The following MAPKBP1 variants were observed in gnomAD, a reference collection of about 807,000 sequenced individuals.
MAPKBP1 encodes mitogen-activated protein kinase binding protein 1.
A neutral mutation model predicts 170.5 loss-of-function variants in MAPKBP1; 71 were observed. The ratio of observed to expected loss-of-function variants is 0.42; its 90% CI spans 0.34 to 0.51. The LOEUF (loss-of-function observed/expected upper bound fraction) is 0.51, where lower values mean the gene tolerates loss of function less well. MAPKBP1 is among the 20% of genes least tolerant of loss of function. The pLI is 0.06. For synonymous variants in MAPKBP1, 719 were observed against 757.9 expected, an observed-to-expected ratio of 0.95 and a Z score of 0.84; for missense variants, 1,598 against 1,933.0, an observed-to-expected ratio of 0.83 and a Z score of 3.25.
intron 3 of MAPKBP1, among the ~76,000 whole-genome samples, chr15:41,809,608 G>A (rs181623483): frequency 6.6e-6 from 1 of 152,344 alleles, no homozygotes; most frequent in African/African-American, 2.4e-5. Context: ...CTCCAGGCTT[G>A]CTCTTGTCTG....
At chr15:41,797,206 G>C (rs943982406) in intron 2 of MAPKBP1, among the ~76,000 whole-genome samples, 1 of 152,172 alleles carries the variant, frequency 6.6e-6, no homozygotes, top group African/African-American at 2.4e-5. Flanking sequence ...AAGATCAGCT[G>C]AGAACCAACT....
Position 41,803,846 on chromosome 15 carries a change from CTGTT to C in MAPKBP1, c.206+3934_206+3937del, listed in dbSNP as rs1332200388. 7.2e-5 allele frequency among the ~76,000 whole-genome samples: 11 copies of C among 152,014 alleles called. No individual in the cohort carries two copies. In the East Asian group the frequency reaches 1.9e-3, roughly 27 times the overall value. ...TGGCACAGAGTAGGGGGAGACCACA[CTGTT>C]TTTTTTTGAGACAGAGTTTCATTCT... On this transcript the variant is annotated intron_variant, in intron 3 of 30. Coordinates refer to ENST00000457542, the MANE Select transcript of MAPKBP1 (RefSeq NM_014994.3).
At chr15:41,785,380 T>TA (rs2064266340) in intron 2 of MAPKBP1, among the ~76,000 whole-genome samples, 2 of 152,184 alleles carry the variant, frequency 1.3e-5, no homozygotes, top group Non-Finnish European at 2.9e-5. Context: ...TTGTGTGTAA[T>TA]GTATTTCAGG....
chr15:41,786,777 A>AAAAAAAAAAAAATATATATATATATAT, intron 2 of MAPKBP1, among the ~76,000 whole-genome samples: 2 of 32,448 alleles, frequency 6.2e-5, no homozygotes, highest in African/African-American at 1.3e-4. Context: ...AAAAAAAAAA[A>AAAAAAAAAAAAATATATATATATATAT]ATATATATAT....
chr15:41,796,751 G>A (rs1192537583), intron 2 of MAPKBP1, among the ~76,000 whole-genome samples: 13 of 152,136 alleles, frequency 8.5e-5, no homozygotes, highest in African/African-American at 2.4e-5. Flanking sequence ...AGAGTCCTAG[G>A]AGGAAAATGA....
intron 2 of MAPKBP1, among the ~76,000 whole-genome samples, chr15:41,795,501 T>A (rs1405994332): frequency 2.0e-5 from 3 of 151,934 alleles, no homozygotes; most frequent in Non-Finnish European, 4.4e-5. Flanking sequence ...TAAGCCGGGG[T>A]AGAGTATTTG....
Position 41,817,897 on chromosome 15 carries a change from TG to T in MAPKBP1, c.1905-107del. On this transcript the variant is annotated intron_variant, in intron 16 of 30. Transcript: ENST00000457542. The surrounding 1 kb of genome is among the most constrained non-coding windows in gnomAD (Gnocchi z 4.2). Reference sequence around the variant, plus strand: ...CAAGAGGTGGTAGCCTGTTTGCTGCTGGGGGTAGCTCCCAGAGAGTGTAGAC... The same window carrying T: ...CAAGAGGTGGTAGCCTGTTTGCTGCTGGGGTAGCTCCCAGAGAGTGTAGAC... The T allele has an allele frequency of 6.6e-7, 1 of 1,519,152 alleles. No homozygotes were observed. The highest frequency in any genetic ancestry group is 9.1e-7 in the Non-Finnish European group (1 of 1,099,706). The allele number at this position is 1,519,152 out of a possible 1,614,324, so 94.1% of individuals were successfully genotyped here.
At chr15:41,786,743 C>T (rs1229511575) in intron 2 of MAPKBP1, among the ~76,000 whole-genome samples, 5 of 72,792 alleles carry the variant, frequency 6.9e-5, no homozygotes, top group Non-Finnish European at 1.3e-4. Flanking sequence ...CCAGCATGGG[C>T]GACAGAGCCA....
rs552977479 is a variant in MAPKBP1 at position 41,827,796 on chromosome 15, T to C, written c.*2360T>C. The C allele has an allele frequency of 3.0e-5, 8 of 263,590 alleles. No homozygotes were observed. In the East Asian group the frequency reaches 5.4e-4, roughly 18 times the overall value. The allele number at this position is 263,590 out of a possible 1,614,324, so 16.3% of individuals were successfully genotyped here. ...CGGCTGCATGGGGCGGGGGCGCTGT[T>C]TTTAACGTGCCCGTTTGTACTGATG... On this transcript the variant is annotated 3_prime_UTR_variant, in exon 31 of 31. Coordinates refer to ENST00000457542, the MANE Select transcript of MAPKBP1 (RefSeq NM_014994.3).
chr15:41,787,485 C>T (rs984302446), intron 2 of MAPKBP1, among the ~76,000 whole-genome samples: 2 of 151,644 alleles, frequency 1.3e-5, no homozygotes, highest in East Asian at 1.9e-4. Context: ...CTCCTGCCTC[C>T]GCCTCCCGAG....
Position 41,820,468 on chromosome 15 carries a change from A to T in MAPKBP1, c.2482-364A>T, listed in dbSNP as rs535753476. 2.0e-5 allele frequency among the ~76,000 whole-genome samples: 3 copies of T among 152,268 alleles called. No homozygotes were observed. The South Asian group carries it at 6.2e-4, about 32-fold the overall frequency. The stretch of plus-strand genomic sequence containing the variant: ...AGTGGTTGCTGCTGGGGCTGTCCTC[A>T]GAGTAGGAGACTTTTAGAGACCCCC... On this transcript the variant is annotated intron_variant, in intron 22 of 30. Coordinates refer to ENST00000457542, the MANE Select transcript of MAPKBP1 (RefSeq NM_014994.3).
rs200746378 is a variant in MAPKBP1, at chr15:41,815,412, C to A, written c.1317+7C>A. ...CCGAAACATCCTCAGCAGTGTGAGC[C>A]CTGAGGCTGTGGGGCCCCGCTTCAC... is the stretch of plus-strand genomic sequence containing the variant. On this transcript the variant is annotated splice_region_variant and intron_variant, in intron 11 of 30. Transcript: ENST00000457542. 3 of 1,613,846 alleles carry A rather than the reference C, an allele frequency of 1.9e-6. No homozygotes were observed. Among genetic ancestry groups the A allele is most frequent in the Non-Finnish European group, 2.5e-6 (3 of 1,179,812 alleles).
Position 41,817,917 on chromosome 15 carries a change from T to G in MAPKBP1, c.1905-92T>G. Reference sequence around the variant, plus strand: ...GCTGCTGGGGGTAGCTCCCAGAGAGTGTAGACTGGGAGTGAAAGCTGGCAT... The same window carrying G: ...GCTGCTGGGGGTAGCTCCCAGAGAGGGTAGACTGGGAGTGAAAGCTGGCAT... On this transcript the variant is annotated intron_variant, in intron 16 of 30. Transcript: ENST00000457542. This position sits in a 1 kb window ranked among gnomAD's most constrained non-coding sequence, Gnocchi z 4.2. 6.6e-7 allele frequency: 1 copy of G among 1,510,382 alleles called. No homozygotes were observed. Among genetic ancestry groups the G allele is most frequent in the East Asian group, 2.3e-5 (1 of 44,398 alleles). The allele number at this position is 1,510,382 out of a possible 1,614,324, so 93.6% of individuals were successfully genotyped here. A position where few individuals can be genotyped will look rare whatever the true frequency, so the allele number is the denominator to read the frequency against.
At chr15:41,787,437 G>C (rs965346874) in intron 2 of MAPKBP1, among the ~76,000 whole-genome samples, 95 of 151,346 alleles carry the variant, frequency 6.3e-4, no homozygotes, top group African/African-American at 2.2e-3. Flanking sequence ...GTGTGATCGC[G>C]GCTCATTGCA....
rs1310639018 is a variant in MAPKBP1 at position 41,786,736 on chromosome 15, G to A, written c.114+11347G>A. On this transcript the variant is annotated intron_variant, in intron 2 of 30. Coordinates refer to ENST00000457542, the MANE Select transcript of MAPKBP1 (RefSeq NM_014994.3). ...GCCAAGATTGCGCCACTGCACTCCA[G>A]CATGGGCGACAGAGCCAGACTCCGT... 3.5e-5 allele frequency among the ~76,000 whole-genome samples: 4 copies of A among 113,208 alleles called. No homozygotes were observed. The East Asian group carries it at 8.9e-4, about 25-fold the overall frequency. The allele number at this position is 113,208 out of a possible 152,430, so 74.3% of individuals were successfully genotyped here.
chr15:41,798,806 C>G (rs185149993), intron 2 of MAPKBP1, among the ~76,000 whole-genome samples: 1 of 152,314 alleles, frequency 6.6e-6, no homozygotes, highest in East Asian at 1.9e-4. Context: ...AGAGTGCTGT[C>G]TAGCCTGTTC....
At chr15:41,811,759 G>C in intron 5 of MAPKBP1, 198 bp from the exon 6 acceptor site, 1 of 707,286 alleles carries the variant, frequency 1.4e-6, no homozygotes, top group East Asian at 2.7e-5. Context: ...ACTAAAATCC[G>C]GGGCCACTTT....
chr15:41,800,756 C>T (rs901332943), intron 3 of MAPKBP1, among the ~76,000 whole-genome samples: 1 of 151,744 alleles, frequency 6.6e-6, no homozygotes, highest in Non-Finnish European at 1.5e-5. Context: ...TCAGGTAACA[C>T]TGTATTTGGC....
At position 41,825,554 on chromosome 15, in the gene MAPKBP1, A is replaced by ATAC; in HGVS notation, c.*118_*119insTAC. ...GTGGAAAGCAGGGAGCAGTGTTCAG[A>ATAC]GGCAAAGCAGCCTTCCCAGCCGCTC... On this transcript the variant is annotated 3_prime_UTR_variant, in exon 31 of 31. Coordinates refer to ENST00000457542, the MANE Select transcript of MAPKBP1 (RefSeq NM_014994.3). 1 of 872,640 alleles carries ATAC rather than the reference A, an allele frequency of 1.1e-6. No homozygotes were observed. The highest frequency in any genetic ancestry group is 1.7e-6 in the Non-Finnish European group (1 of 586,912). The allele number at this position is 872,640 out of a possible 1,614,324, so 54.1% of individuals were successfully genotyped here. A position where few individuals can be genotyped will look rare whatever the true frequency, so the allele number is the denominator to read the frequency against.
Sources: gnomAD v4.1 joint callset for allele counts (sites outside exome capture counted in the v4.1 genomes callset) on GRCh38, gnomAD v4.1.1 for gene constraint, Gnocchi (gnomAD v3.1) non-coding constraint, MANE v1.5 for transcripts, NCBI Gene and HGNC (gene_info 2026-07-23, HGNC 2026-07-21) for gene names.